The following HERC1 variants were observed in gnomAD, a reference collection of about 807,000 sequenced individuals.
HERC1 encodes probable E3 ubiquitin-protein ligase HERC1.
HERC1 carries 160 observed loss-of-function variants against 554.3 expected under a neutral mutation model. The ratio of observed to expected loss-of-function variants is 0.29; its 90% CI spans 0.25 to 0.33. The LOEUF is 0.33. HERC1 is among the 10% of genes least tolerant of loss of function. HERC1 has a pLI of 1.00. For missense variants in HERC1, 4,919 were observed against 5,918.5 expected (o/e 0.83, Z 5.54); for synonymous variants, 2,175 against 2,131.7 (o/e 1.02, Z -0.56).
chr15:63,770,674 C>T (rs1163831446), intron 2 of HERC1, among the ~76,000 whole-genome samples: 2 of 152,170 alleles, frequency 1.3e-5, no homozygotes, highest in South Asian at 2.1e-4. Flanking sequence ...CAAGTAAATA[C>T]AATTTACCGA....
intron 2 of HERC1, among the ~76,000 whole-genome samples, chr15:63,774,316 G>T (rs1394029038): frequency 6.6e-6 from 1 of 152,134 alleles, no homozygotes. Flanking sequence ...TTGGCATATA[G>T]TAAATGTTTA....
chr15:63,749,692 C>T lies in HERC1; in HGVS notation c.2002G>A (p.Val668Ile). 1 of 1,594,394 alleles carries T rather than the reference C, an allele frequency of 6.3e-7. No individual in the cohort carries two copies. The highest frequency in any genetic ancestry group is 8.6e-7 in the Non-Finnish European group (1 of 1,169,560). ...TGACTGTCTCCAATAGAAACATCAACTATTCTTGTGGCAGCCAGTTCTTCA... is the reference window on the plus strand; with the variant it reads ...TGACTGTCTCCAATAGAAACATCAATTATTCTTGTGGCAGCCAGTTCTTCA... ...LIEELAATRI[V>I]DVSIGDSHCL... Residue 668 changes from valine (V) to isoleucine (I), a missense_variant, in exon 9 of 78, where the codon GTT (valine) becomes ATT (isoleucine). This residue lies in a region of HERC1 where 744 missense variants were observed against 1,090.0 expected (regional missense o/e 0.68). Transcript: ENST00000443617. This position sits in a 1 kb window ranked among gnomAD's most constrained non-coding sequence, Gnocchi z 4.1.
chr15:63,650,845 T>C (rs2069639444), intron 53 of HERC1, among the ~76,000 whole-genome samples: 1 of 152,156 alleles, frequency 6.6e-6, no homozygotes, highest in South Asian at 2.1e-4. Flanking sequence ...AAGCTCGATA[T>C]TACAATAATT....
intron 44 of HERC1, among the ~76,000 whole-genome samples, chr15:63,662,674 C>T (rs956753384): frequency 6.6e-6 from 1 of 152,118 alleles, no homozygotes; most frequent in Non-Finnish European, 1.5e-5. Context: ...AACCTGTCAA[C>T]GTCTACTGGA....
chr15:63,741,098 C>T (rs999410272), intron 12 of HERC1, among the ~76,000 whole-genome samples: 2 of 150,932 alleles, frequency 1.3e-5, no homozygotes, highest in East Asian at 2.0e-4. Flanking sequence ...GTGCGGTCTC[C>T]ACTCACTGCA....
rs2067823606 is a variant in HERC1 at position 63,616,461 on chromosome 15, T to G, written c.13910A>C (p.Asp4637Ala). The change falls in exon 75 of 78, where the codon GAC becomes GCC. Residue 4637 changes from aspartate (D) to alanine (A), a missense_variant. Physicochemically the swap from Asp to Ala is moderately radical, Grantham distance 126. This residue lies in a region of HERC1 where 284 missense variants were observed against 294.1 expected (regional missense o/e 0.97). Transcript: ENST00000443617. ...GAAACTCTCCTCGGTAATCCCACTG[T>G]CTTCAATGTGAAGAATGCTGTTGAG... ...QTLNSILHIE[D>A]SGITEESFHE... 1 of 1,613,862 alleles carries G rather than the reference T, an allele frequency of 6.2e-7. No homozygotes were observed. The highest frequency in any genetic ancestry group is 1.1e-5 in the South Asian group (1 of 91,086).
At chr15:63,645,968 C>T (rs1349283312) in intron 55 of HERC1, among the ~76,000 whole-genome samples, 5 of 152,094 alleles carry the variant, frequency 3.3e-5, no homozygotes, top group Middle Eastern at 6.4e-3. Flanking sequence ...GATATGTTAT[C>T]TCTCATTAGC....
At chr15:63,795,446 T>A (rs906406711) in intron 1 of HERC1, among the ~76,000 whole-genome samples, 6 of 152,110 alleles carry the variant, frequency 3.9e-5, no homozygotes, top group South Asian at 2.1e-4. Flanking sequence ...GGAAAAAATA[T>A]CAGTTTAATA....
intron 1 of HERC1, among the ~76,000 whole-genome samples, chr15:63,809,778 G>C (rs1229400287): frequency 8.0e-6 from 1 of 125,404 alleles, no homozygotes; most frequent in Non-Finnish European, 1.7e-5. Context: ...TTGCAGCCTT[G>C]TTTAGAATAG....
At chr15:63,656,415 C>T (rs1332384914) in intron 48 of HERC1, 57 bp from the exon 49 acceptor site, 6 of 1,438,078 alleles carry the variant, frequency 4.2e-6, no homozygotes, top group Admixed American at 1.8e-5. Flanking sequence ...CTTAAGGGAC[C>T]ATTTGCAGTC....
Position 63,634,768 on chromosome 15 carries a change from T to C in HERC1, c.12535A>G (p.Arg4179Gly). The C allele has an allele frequency of 6.2e-7, 1 of 1,613,066 alleles. No homozygotes were observed. The highest frequency in any genetic ancestry group is 8.5e-7 in the Non-Finnish European group (1 of 1,179,302). The part of the protein sequence containing the change: ...GNTSNKKLPE[R>G]VTALEGYQIG... Reference sequence around the variant, plus strand: ...TGATATCCCTCCAGTGCAGTCACTCTCTCTGGAAGTTTTTTGTTAGAGGTA... The same window carrying C: ...TGATATCCCTCCAGTGCAGTCACTCCCTCTGGAAGTTTTTTGTTAGAGGTA... Residue 4179 changes from arginine (R) to glycine (G), a missense_variant, in exon 66 of 78, where the codon AGA becomes GGA. By Grantham distance (125) the Arg-to-Gly change is moderately radical. Coordinates refer to ENST00000443617, the MANE Select transcript of HERC1 (RefSeq NM_003922.4).
At chr15:63,778,544 G>T (rs1332455541) in intron 1 of HERC1, among the ~76,000 whole-genome samples, 5 of 152,094 alleles carry the variant, frequency 3.3e-5, no homozygotes, top group African/African-American at 1.2e-4. Context: ...GGTAAAAGAA[G>T]AAAAAGGGGA....
chr15:63,636,553 G>A (rs935656375), intron 64 of HERC1, among the ~76,000 whole-genome samples: 4 of 152,204 alleles, frequency 2.6e-5, no homozygotes, highest in South Asian at 2.1e-4. Context: ...TTACAGGCAT[G>A]AGCCACAGTA....
In HERC1 at chr15:63,690,639, G is replaced by A. The variant is rs35098067; in HGVS notation, c.5839C>T (p.Leu1947=). The A allele has an allele frequency of 0.012, 19,164 of 1,589,058 alleles. 158 individuals carry two copies. The highest frequency in any genetic ancestry group is 0.015 in the Middle Eastern group (92 of 5,990). Residue 1947 remains leucine (L), a synonymous_variant, in exon 32 of 78, where the codon CTG becomes TTG. Transcript: ENST00000443617. ...AGCCTTGTTCTTAAGTTACCAACCA[G>A]AGGGATACCTGGAGGGGAAAAGACC... is the stretch of plus-strand genomic sequence containing the variant. ...ASQKCSSGIP[L]VGNLRTRLLA... is the part of the protein sequence containing the mutation.
chr15:63,665,622 T>C (rs913387241), intron 42 of HERC1, among the ~76,000 whole-genome samples: 1 of 152,252 alleles, frequency 6.6e-6, no homozygotes, highest in Non-Finnish European at 1.5e-5. Flanking sequence ...TTGTACGAGA[T>C]AAAATTATTT....
At position 63,633,880 on chromosome 15, in the gene HERC1, A is replaced by G; in HGVS notation, c.12661T>C (p.Leu4221=). Residue 4221 remains leucine (L), a synonymous_variant, in exon 67 of 78, where the codon TTA becomes CTA. Coordinates refer to ENST00000443617, the MANE Select transcript of HERC1 (RefSeq NM_003922.4). ...GAAGATTTTGCAGTGGAATTTCCTA[A>G]GCCTAGTTTTCCATAGTCTCCATCT... ...FGDGDYGKLG[L]GNSTAKSSPQ... is the part of the protein sequence containing the mutation. The G allele has an allele frequency of 1.2e-6, 2 of 1,613,596 alleles. No homozygotes were observed. The highest frequency in any genetic ancestry group is 1.7e-6 in the Non-Finnish European group (2 of 1,179,706).
chr15:63,789,556 G>A (rs1054484192), intron 1 of HERC1, among the ~76,000 whole-genome samples: 8 of 151,640 alleles, frequency 5.3e-5, no homozygotes, highest in Admixed American at 1.3e-4. Context: ...CCCGCACTTC[G>A]GAAAGCCGAG....
At chr15:63,703,863 G>A (rs909181013) in intron 25 of HERC1, among the ~76,000 whole-genome samples, 2 of 151,742 alleles carry the variant, frequency 1.3e-5, no homozygotes, top group Non-Finnish European at 2.9e-5. Flanking sequence ...GGTGCAGTGA[G>A]CTGTGATCGC....
rs1454772416 is a variant in HERC1, at chr15:63,758,089, A to T, written c.1221+86T>A. ...AACCATCGATAATTTTCACTCATTT[A>T]AAAAATACTCAGTATTATTTAATGC... On this transcript the variant is annotated intron_variant, in intron 4 of 77. Coordinates refer to ENST00000443617, the MANE Select transcript of HERC1 (RefSeq NM_003922.4). This position sits in a 1 kb window ranked among gnomAD's most constrained non-coding sequence, Gnocchi z 4.0. The T allele has an allele frequency of 1.1e-6, 1 of 950,702 alleles. No individual in the cohort carries two copies. Among genetic ancestry groups the T allele is most frequent in the South Asian group, 2.1e-5 (1 of 48,078 alleles). The allele number at this position is 950,702 out of a possible 1,614,324, so 58.9% of individuals were successfully genotyped here. A position where few individuals can be genotyped will look rare whatever the true frequency, so the allele number is the denominator to read the frequency against.
Sources: allele counts gnomAD v4.1 joint callset (sites outside exome capture counted in the v4.1 genomes callset), GRCh38; gene constraint gnomAD v4.1.1; regional missense constraint gnomAD v4.1.1; non-coding constraint Gnocchi (gnomAD v3.1); transcripts MANE v1.5; gene names NCBI Gene and HGNC (gene_info 2026-07-23, HGNC 2026-07-21).